The following RTN4RL1 variants were observed in gnomAD, a reference collection of about 807,000 sequenced individuals.
RTN4RL1 encodes reticulon-4 receptor-like 1.
RTN4RL1 carries 7 observed loss-of-function variants against 25.6 expected under a neutral mutation model. The ratio of observed to expected loss-of-function variants is 0.27; its 90% CI spans 0.16 to 0.51. The LOEUF is 0.51. Ranked by LOEUF, RTN4RL1 falls within the 20% of genes least tolerant of loss-of-function variation. The probability of loss-of-function intolerance (pLI) is 0.97; values close to 1 mark genes in which losing one functional copy is unlikely to be tolerated. For synonymous variants in RTN4RL1, 297 were observed against 288.2 expected (o/e 1.03, Z -0.31); for missense variants, 500 against 615.6 (o/e 0.81, Z 1.99).
intron 1 of RTN4RL1, chr17:2,019,125 G>T (rs546006464): frequency 1.3e-5 from 2 of 151,958 alleles, no homozygotes; most frequent in Non-Finnish European, 2.9e-5. Context: ...CCAGGCCTTG[G>T]GGGGGGCCCT....
intron 1 of RTN4RL1, among the ~76,000 whole-genome samples, chr17:2,005,954 G>A (rs1312803211): frequency 6.7e-6 from 1 of 150,230 alleles, no homozygotes; most frequent in Non-Finnish European, 1.5e-5. Context: ...ATGCCGCCAC[G>A]CCCGCCTTAT....
intron 1 of RTN4RL1, among the ~76,000 whole-genome samples, chr17:1,960,512 A>G (rs1284258913): frequency 1.3e-5 from 2 of 152,156 alleles, no homozygotes; most frequent in African/African-American, 4.8e-5. Flanking sequence ...GACCACAGCG[A>G]GCTCATTCTT....
chr17:1,939,586 G>T (rs765731145), intron 1 of RTN4RL1, among the ~76,000 whole-genome samples: 1 of 152,050 alleles, frequency 6.6e-6, no homozygotes, highest in African/African-American at 2.4e-5. Context: ...CTTGCCTCTC[G>T]ACTGTCCAGA....
intron 1 of RTN4RL1, among the ~76,000 whole-genome samples, chr17:1,959,413 T>C (rs1168828303): frequency 6.6e-6 from 1 of 152,078 alleles, no homozygotes; most frequent in Non-Finnish European, 1.5e-5. Flanking sequence ...GGCTCTGTCG[T>C]CTTGTCTGCC....
intron 1 of RTN4RL1, among the ~76,000 whole-genome samples, chr17:1,958,702 G>T (rs1650523196): frequency 6.6e-6 from 1 of 152,232 alleles, no homozygotes; most frequent in African/African-American, 2.4e-5. Context: ...GCTGAGGCAG[G>T]CAGCTGGCAG....
At chr17:1,945,006 C>T (rs547324086) in intron 1 of RTN4RL1, among the ~76,000 whole-genome samples, 1 of 152,260 alleles carries the variant, frequency 6.6e-6, no homozygotes, top group South Asian at 2.1e-4. Context: ...GAGCTGCCAC[C>T]CCCTCCTTCC....
chr17:2,005,292 C>G (rs1288450522), intron 1 of RTN4RL1, among the ~76,000 whole-genome samples: 3 of 152,180 alleles, frequency 2.0e-5, no homozygotes, highest in Admixed American at 2.0e-4. Context: ...CAGGTATGAG[C>G]CACCACATCC....
At position 1,936,529 on chromosome 17, in the gene RTN4RL1, G is replaced by C; in HGVS notation, c.1293C>G (p.Ala431=). 6.4e-7 allele frequency: 1 copy of C among 1,550,554 alleles called. No individual in the cohort carries two copies. Among genetic ancestry groups the C allele is most frequent in the Non-Finnish European group, 8.7e-7 (1 of 1,149,588 alleles). The stretch of plus-strand genomic sequence containing the variant: ...GAGTGACCGCCAGCCCCAGTGTCCA[G>C]GCCAGGAGGGAGGCCCCCAGGGAAC... ...SASSLGASLL[A]WTLGLAVTLR The change falls in exon 2 of 2, where the codon GCC becomes GCG. Residue 431 remains alanine, a synonymous_variant. Coordinates refer to ENST00000331238, the MANE Select transcript of RTN4RL1 (RefSeq NM_178568.4).
At position 2,008,298 on chromosome 17, in the gene RTN4RL1, G is replaced by A. The variant is rs4790304; in HGVS notation, c.13+16555C>T. 1.4e-3 allele frequency among the ~76,000 whole-genome samples: 206 copies of A among 150,904 alleles called. 3 individuals are homozygous for A. Among genetic ancestry groups the A allele is most frequent in the Admixed American group, 9.4e-3 (142 of 15,140 alleles). On this transcript the variant is annotated intron_variant, in intron 1 of 1. Coordinates refer to ENST00000331238, the MANE Select transcript of RTN4RL1 (RefSeq NM_178568.4). ...AAAAAAAAAAAGACCACCCCAAACT[G>A]AGGCTTAGAATTACAAACATAATGA...
chr17:2,019,123 T>TG (rs370630204), intron 1 of RTN4RL1: 51 of 151,484 alleles, frequency 3.4e-4, no homozygotes, highest in South Asian at 1.9e-3. Context: ...CTCCAGGCCT[T>TG]GGGGGGGGCC....
intron 1 of RTN4RL1, among the ~76,000 whole-genome samples, chr17:1,950,016 G>C (rs949636737): frequency 3.3e-5 from 5 of 152,248 alleles, no homozygotes; most frequent in African/African-American, 1.2e-4. Context: ...CAGAACAGCA[G>C]GAGCCAGGCC....
In RTN4RL1 at chr17:2,020,267, C is replaced by G. The variant is rs2151331212; in HGVS notation, c.13+4586G>C. ...CTTCTATCTCCCCTCTATACTTCCT[C>G]TGCAGCAGAAAAGAGTATCTTGGCC... is the stretch of plus-strand genomic sequence containing the variant. On this transcript the variant is annotated intron_variant, in intron 1 of 1. Coordinates refer to ENST00000331238, the MANE Select transcript of RTN4RL1 (RefSeq NM_178568.4). 1.3e-5 allele frequency: 2 copies of G among 152,346 alleles called. 1 individual carries two copies. Among genetic ancestry groups the G allele is most frequent in the South Asian group, 4.1e-4 (2 of 4,834 alleles). The allele number at this position is 152,346 out of a possible 1,614,324, so 9.4% of individuals were successfully genotyped here.
intron 1 of RTN4RL1, among the ~76,000 whole-genome samples, chr17:1,966,402 A>C (rs979127152): frequency 6.6e-6 from 1 of 152,152 alleles, no homozygotes; most frequent in Admixed American, 6.5e-5. Flanking sequence ...CAGGCAGAAG[A>C]TGCTTCAGAT....
intron 1 of RTN4RL1, among the ~76,000 whole-genome samples, 168 bp downstream of exon 1, chr17:2,024,685 G>T (rs1310922686): frequency 6.6e-6 from 1 of 152,138 alleles, no homozygotes; most frequent in Admixed American, 6.5e-5. Flanking sequence ...GGCCGCTGAC[G>T]GGAGCTGAGC....
In RTN4RL1 at chr17:1,937,378, C is replaced by G. The variant is rs201742641; in HGVS notation, c.444G>C (p.Leu148=). Residue 148 remains leucine (L), a synonymous_variant, in exon 2 of 2, where the codon CTG becomes CTC. Transcript: ENST00000331238. The part of the protein sequence containing the change: ...SALPAGVFGG[L]HSLQYLYLQD... The stretch of plus-strand genomic sequence containing the variant: ...GCAGGTAGAGGTACTGCAGGCTGTG[C>G]AGGCCGCCAAAGACGCCGGCCGGCA... 6.2e-7 allele frequency: 1 copy of G among 1,613,650 alleles called. No individual in the cohort carries two copies. Among genetic ancestry groups the G allele is most frequent in the South Asian group, 1.1e-5 (1 of 91,084 alleles).
chr17:1,942,587 A>T (rs947896544), intron 1 of RTN4RL1, among the ~76,000 whole-genome samples: 1 of 152,096 alleles, frequency 6.6e-6, no homozygotes, highest in African/African-American at 2.4e-5. Flanking sequence ...GGAACCAGGG[A>T]GAAGGGTCCC....
intron 1 of RTN4RL1, among the ~76,000 whole-genome samples, chr17:1,983,523 C>A (rs12103631): frequency 0.22 from 33,302 of 152,008 alleles, 3,923 homozygotes; most frequent in Middle Eastern, 0.34. Flanking sequence ...CTCAGCCACC[C>A]GAGCAGCTGA....
intron 1 of RTN4RL1, among the ~76,000 whole-genome samples, chr17:1,981,478 G>A (rs1046420580): frequency 2.6e-5 from 4 of 152,218 alleles, no homozygotes; most frequent in African/African-American, 9.6e-5. Context: ...TTAGGGAAAG[G>A]GGACTGCTGG....
At chr17:2,007,374 A>ACACACACT (rs397809633) in intron 1 of RTN4RL1, among the ~76,000 whole-genome samples, 6 of 142,610 alleles carry the variant, frequency 4.2e-5, no homozygotes, top group Admixed American at 7.0e-5. Flanking sequence ...ACACACACAC[A>ACACACACT]CTCTTCCTCT....
Sources: allele counts gnomAD v4.1 joint callset (sites outside exome capture counted in the v4.1 genomes callset), GRCh38; gene constraint gnomAD v4.1.1; transcripts MANE v1.5; gene names NCBI Gene and HGNC (gene_info 2026-07-23, HGNC 2026-07-21).